SLC30A9: variants seen among roughly 807,000 people sequenced by gnomAD.
The protein encoded by SLC30A9 is solute carrier family 30 member 9.
In SLC30A9, 58 loss-of-function variants were observed where a neutral mutation model predicts 87.5. The ratio of observed to expected loss-of-function variants is 0.66; its 90% CI spans 0.54 to 0.82. SLC30A9 has a LOEUF of 0.82. Among genes scored for constraint, SLC30A9 ranks in the 40% least tolerant of loss-of-function variants. The probability of loss-of-function intolerance (pLI) is 0.00; values close to 1 mark genes in which losing one functional copy is unlikely to be tolerated. For synonymous variants in SLC30A9, 234 were observed against 233.0 expected (o/e 1.00, Z -0.04); for missense variants, 557 against 679.1 (o/e 0.82, Z 2.00).
chr4:42,082,122 CAG>C (rs1197417677), intron 17 of SLC30A9, among the ~76,000 whole-genome samples: 2 of 151,408 alleles, frequency 1.3e-5, no homozygotes, highest in Non-Finnish European at 2.9e-5. Flanking sequence ...GAGGCTGAGG[CAG>C]GAGAATGGCA....
At chr4:41,990,846 C>T (rs910032469) in intron 1 of SLC30A9, 86 bp downstream of exon 1, 93 of 950,404 alleles carry the variant, frequency 9.8e-5, no homozygotes, top group Non-Finnish European at 8.7e-5. Flanking sequence ...GGGCAATTCG[C>T]CCACTTGCCT....
Position 42,022,894 on chromosome 4 carries a change from C to G in SLC30A9, c.491C>G (p.Ser164Cys), listed in dbSNP as rs1430510359. 6.3e-7 allele frequency: 1 copy of G among 1,599,544 alleles called. No individual in the cohort carries two copies. Among genetic ancestry groups the G allele is most frequent in the Non-Finnish European group, 8.5e-7 (1 of 1,170,680 alleles). ...RRRSPHEDTE[S>C]FTVYLRSDVE... ...CGAAGTCCCCATGAAGATACTGAGTCTTTTACTGTATACTTGAGATCAGAT... is the reference window on the plus strand; with the variant it reads ...CGAAGTCCCCATGAAGATACTGAGTGTTTTACTGTATACTTGAGATCAGAT... The change falls in exon 5 of 18, where the codon TCT (serine) becomes TGT (cysteine). Residue 164 changes from serine to cysteine, a missense_variant. Ser to Cys is a moderately radical substitution (Grantham distance 112). Coordinates refer to ENST00000264451, the MANE Select transcript of SLC30A9 (RefSeq NM_006345.4).
chr4:42,004,096 C>A (rs2660328), intron 2 of SLC30A9, among the ~76,000 whole-genome samples: 1 of 152,038 alleles, frequency 6.6e-6, no homozygotes, highest in Non-Finnish European at 1.5e-5. Flanking sequence ...GTTCGTTTAG[C>A]TGAGGATCTT....
chr4:42,083,093 TGG>T (rs1454596049), intron 17 of SLC30A9, among the ~76,000 whole-genome samples: 5 of 152,238 alleles, frequency 3.3e-5, no homozygotes, highest in Non-Finnish European at 7.3e-5. Flanking sequence ...TGATGATTAA[TGG>T]AAATTAGTTC....
intron 2 of SLC30A9, among the ~76,000 whole-genome samples, chr4:42,016,916 C>T (rs1715746633): frequency 6.6e-6 from 1 of 152,144 alleles, no homozygotes; most frequent in African/African-American, 2.4e-5. Flanking sequence ...TACCTCTGTC[C>T]TTGTGCCCTC....
At chr4:41,992,876 A>G (rs1441923291) in intron 1 of SLC30A9, among the ~76,000 whole-genome samples, 1 of 152,180 alleles carries the variant, frequency 6.6e-6, no homozygotes, top group African/African-American at 2.4e-5. Context: ...TTTTGGAGAA[A>G]GAAAATCTAA....
chr4:41,998,507 T>C lies in SLC30A9; in HGVS notation c.110-3109T>C, dbSNP rs558569519. Among the ~76,000 whole-genome samples, 154 of 150,500 alleles carry C rather than the reference T, an allele frequency of 1.0e-3. 1 individual carries two copies. Among genetic ancestry groups the C allele is most frequent in the African/African-American group, 3.6e-3 (149 of 41,408 alleles). On this transcript the variant is annotated intron_variant, in intron 1 of 17. Coordinates refer to ENST00000264451, the MANE Select transcript of SLC30A9 (RefSeq NM_006345.4). ...GAGATGGAGTTTTACACCGTCACCCTGGCTGGAATGCAATGGCGCGATCTT... is the reference window on the plus strand; with the variant it reads ...GAGATGGAGTTTTACACCGTCACCCCGGCTGGAATGCAATGGCGCGATCTT...
intron 4 of SLC30A9, 177 bp downstream of exon 4, chr4:42,020,692 T>C (rs1715911993): frequency 2.1e-5 from 10 of 473,308 alleles, no homozygotes; most frequent in Non-Finnish European, 3.7e-5. Flanking sequence ...CAAACTAAAC[T>C]GAATCCTGCC....
chr4:42,060,308 ATATCAG>A, intron 10 of SLC30A9, 62 bp downstream of exon 10: 1 of 1,258,266 alleles, frequency 7.9e-7, no homozygotes, highest in Non-Finnish European at 1.2e-6. Context: ...AAATAACTAA[ATATCAG>A]AAATCTCCTG....
At chr4:42,076,691 C>T (rs1172624120) in intron 16 of SLC30A9, among the ~76,000 whole-genome samples, 2 of 152,076 alleles carry the variant, frequency 1.3e-5, no homozygotes, top group Non-Finnish European at 2.9e-5. Context: ...TGGCCGGGCG[C>T]GGTGGCTCAC....
chr4:42,063,276 C>T (rs3804191), intron 11 of SLC30A9, among the ~76,000 whole-genome samples, 155 bp downstream of exon 11: 90,844 of 152,084 alleles, frequency 0.6, 32,824 homozygotes, highest in East Asian at 0.95. Context: ...ATTTTTAGAA[C>T]GTGACTGGAC....
chr4:42,040,890 G>A (rs1716897109), intron 8 of SLC30A9, among the ~76,000 whole-genome samples: 1 of 151,904 alleles, frequency 6.6e-6, no homozygotes, highest in South Asian at 2.1e-4. Flanking sequence ...AGAAAACCAG[G>A]AGTGTATTAG....
chr4:41,993,324 C>T (rs975126288), intron 1 of SLC30A9, among the ~76,000 whole-genome samples: 1 of 152,056 alleles, frequency 6.6e-6, no homozygotes, highest in Non-Finnish European at 1.5e-5. Flanking sequence ...ACACTTTCAG[C>T]ACATCACAGT....
intron 2 of SLC30A9, among the ~76,000 whole-genome samples, chr4:42,011,084 G>T (rs1422175950): frequency 6.6e-6 from 1 of 152,088 alleles, no homozygotes; most frequent in Admixed American, 6.5e-5. Flanking sequence ...CAGTGTACTA[G>T]TCCATTTTCA....
chr4:42,044,124 A>G (rs2153137920), intron 8 of SLC30A9, among the ~76,000 whole-genome samples: 1 of 152,318 alleles, frequency 6.6e-6, no homozygotes, highest in African/African-American at 2.4e-5. Flanking sequence ...TGTAAAGACC[A>G]TTGACACTAT....
intron 7 of SLC30A9, among the ~76,000 whole-genome samples, chr4:42,035,945 T>G (rs577245158): frequency 4.6e-4 from 70 of 152,306 alleles, no homozygotes; most frequent in Middle Eastern, 3.4e-3. Flanking sequence ...TTCTTTAGCC[T>G]CTCTCTTTCT....
intron 15 of SLC30A9, among the ~76,000 whole-genome samples, chr4:42,073,703 T>A (rs1718407773): frequency 6.6e-6 from 1 of 152,214 alleles, no homozygotes; most frequent in Admixed American, 6.5e-5. Context: ...AATGGGCCTC[T>A]TCAACATGGC....
chr4:42,070,780 T>G, intron 15 of SLC30A9, 89 bp downstream of exon 15: 1 of 1,107,912 alleles, frequency 9.0e-7, no homozygotes, highest in African/African-American at 1.6e-5. Flanking sequence ...CCAGAGGAAG[T>G]TTTGGATTCC....
At chr4:42,007,757 A>G (rs1365380478) in intron 2 of SLC30A9, among the ~76,000 whole-genome samples, 2 of 152,144 alleles carry the variant, frequency 1.3e-5, no homozygotes, top group African/African-American at 4.8e-5. Context: ...ACTCCATCTC[A>G]AAAAACAAAA....
Sources: gnomAD v4.1 joint callset for allele counts (sites outside exome capture counted in the v4.1 genomes callset) on GRCh38, gnomAD v4.1.1 for gene constraint, MANE v1.5 for transcripts, NCBI Gene and HGNC (gene_info 2026-07-23, HGNC 2026-07-21) for gene names.